CAMK1D: variants seen among roughly 807,000 people sequenced by gnomAD.
The protein encoded by CAMK1D is calcium/calmodulin-dependent protein kinase type 1D.
In CAMK1D, 9 loss-of-function variants were observed where a neutral mutation model predicts 47.7. The ratio of observed to expected loss-of-function variants is 0.19; its 90% confidence interval spans 0.11 to 0.33. CAMK1D has a LOEUF of 0.33. Ranked by LOEUF, CAMK1D falls within the 10% of genes least tolerant of loss-of-function variation. The pLI is 1.00. For missense variants in CAMK1D, 291 were observed against 488.7 expected (o/e 0.60, Z 3.81); for synonymous variants, 184 against 184.9 (o/e 0.99, Z 0.04).
At chr10:12,827,366 C>T (rs546482801) in intron 10 of CAMK1D, among the ~76,000 whole-genome samples, 1,698 of 43,520 alleles carry the variant, frequency 0.039, 37 homozygotes, top group African/African-American at 0.1. Context: ...TTCTTTCTTT[C>T]TCTTTCTTTC....
intron 3 of CAMK1D, among the ~76,000 whole-genome samples, chr10:12,675,656 T>C (rs1588771253): frequency 6.6e-6 from 1 of 152,324 alleles, no homozygotes; most frequent in Non-Finnish European, 1.5e-5. Flanking sequence ...CCTACCCCAC[T>C]GTGCTGTTCT....
At chr10:12,385,949 T>C (rs370088564) in intron 1 of CAMK1D, among the ~76,000 whole-genome samples, 115 of 152,280 alleles carry the variant, frequency 7.6e-4, no homozygotes, top group African/African-American at 2.5e-3. Flanking sequence ...TTTCAGCATG[T>C]TGGTCACGCT....
At chr10:12,734,832 G>C (rs893144921) in intron 3 of CAMK1D, among the ~76,000 whole-genome samples, 8 of 152,130 alleles carry the variant, frequency 5.3e-5, no homozygotes, top group Non-Finnish European at 1.2e-4. Flanking sequence ...CAGGCCTGCT[G>C]TTTGCAACAG....
chr10:12,645,967 G>GTT (rs1482993581), intron 2 of CAMK1D, among the ~76,000 whole-genome samples: 1 of 135,062 alleles, frequency 7.4e-6, no homozygotes, highest in Non-Finnish European at 1.6e-5. Context: ...TAAATGGCTA[G>GTT]TTGTTTTTTT....
chr10:12,691,401 ATAAATATATATATATATATATTT>A (rs1832910527), intron 3 of CAMK1D, among the ~76,000 whole-genome samples: 1 of 7,112 alleles, frequency 1.4e-4, no homozygotes, highest in Admixed American at 1.9e-3. Flanking sequence ...ATATATATAT[ATAAATATATATATATATATATTT>A]TTTTTTTTTT....
chr10:12,615,570 T>C (rs1300891929), intron 2 of CAMK1D, among the ~76,000 whole-genome samples: 1 of 19,328 alleles, frequency 5.2e-5, no homozygotes, highest in African/African-American at 8.3e-5. Context: ...GTATATCGTG[T>C]GTGTGCGTGT....
intron 2 of CAMK1D, among the ~76,000 whole-genome samples, chr10:12,553,631 C>T (rs1051384424): frequency 2.0e-5 from 3 of 152,266 alleles, no homozygotes; most frequent in Non-Finnish European, 4.4e-5. Context: ...TCACCATATC[C>T]GAGTGACCGT....
At chr10:12,671,192 CT>C (rs1308913703) in intron 3 of CAMK1D, among the ~76,000 whole-genome samples, 3 of 152,088 alleles carry the variant, frequency 2.0e-5, no homozygotes, top group African/African-American at 7.2e-5. Context: ...TTTTGTTTCT[CT>C]GTTTTTCAGT....
chr10:12,567,814 T>G (rs1465771855), intron 2 of CAMK1D, among the ~76,000 whole-genome samples: 1 of 152,004 alleles, frequency 6.6e-6, no homozygotes, highest in African/African-American at 2.4e-5. Context: ...TGGGCAGCCC[T>G]AAAGCACGGC....
intron 1 of CAMK1D, among the ~76,000 whole-genome samples, chr10:12,472,361 C>G (rs1207641623): frequency 6.6e-6 from 1 of 152,070 alleles, no homozygotes; most frequent in Non-Finnish European, 1.5e-5. Flanking sequence ...GAGCTTCTTT[C>G]CTTCCTGTGA....
At chr10:12,623,669 G>C (rs1389056358) in intron 2 of CAMK1D, among the ~76,000 whole-genome samples, 1 of 151,836 alleles carries the variant, frequency 6.6e-6, no homozygotes, top group Non-Finnish European at 1.5e-5. Flanking sequence ...GGCCTTTACC[G>C]GTAGCTTAGG....
At chr10:12,353,266 C>T (rs1837405144) in intron 1 of CAMK1D, among the ~76,000 whole-genome samples, 1 of 152,192 alleles carries the variant, frequency 6.6e-6, no homozygotes. Context: ...GTTCCAGTCA[C>T]TTTGTTTGCC....
At position 12,414,139 on chromosome 10, in the gene CAMK1D, A is replaced by T. The variant is rs187766738; in HGVS notation, c.92+64229A>T. 8.4e-4 allele frequency among the ~76,000 whole-genome samples: 128 copies of T among 152,318 alleles called. 2 individuals are homozygous for T. In the East Asian group the frequency reaches 0.014, roughly 17 times the overall value. On this transcript the variant is annotated intron_variant, in intron 1 of 10. Coordinates refer to ENST00000619168, the MANE Select transcript of CAMK1D (RefSeq NM_153498.4). ...AAATCTGAAAACCATAATATAATAA[A>T]TGTGTAGTTTAGTTCTTTAATTTGA...
chr10:12,617,734 C>T (rs975585791), intron 2 of CAMK1D, among the ~76,000 whole-genome samples: 6 of 152,084 alleles, frequency 3.9e-5, no homozygotes, highest in African/African-American at 1.4e-4. Context: ...GATTGCATGT[C>T]TCTGATTCAC....
chr10:12,784,196 GTATT>G (rs780829072), intron 5 of CAMK1D, among the ~76,000 whole-genome samples: 2 of 108,912 alleles, frequency 1.8e-5, no homozygotes, highest in Non-Finnish European at 1.9e-5. Context: ...TGGAGAAAAG[GTATT>G]TTTTTTTTTT....
chr10:12,559,453 A>T (rs571813494), intron 2 of CAMK1D, among the ~76,000 whole-genome samples: 1 of 152,142 alleles, frequency 6.6e-6, no homozygotes, highest in Non-Finnish European at 1.5e-5. Context: ...TGTCAGAACA[A>T]CCACTCTCCA....
chr10:12,443,423 A>G (rs1405325873), intron 1 of CAMK1D, among the ~76,000 whole-genome samples: 1 of 151,994 alleles, frequency 6.6e-6, no homozygotes, highest in Non-Finnish European at 1.5e-5. Context: ...CGAAGGCACG[A>G]ACCATGTGTT....
At chr10:12,573,831 C>CTTTTTTTTTTTTTTTTTTTTTTT (rs34038018) in intron 2 of CAMK1D, among the ~76,000 whole-genome samples, 1 of 64,076 alleles carries the variant, frequency 1.6e-5, no homozygotes, top group African/African-American at 5.4e-5. Context: ...ATTAAAAAAA[C>CTTTTTTTTTTTTTTTTTTTTTTT]TTTTTTTTTT....
intron 2 of CAMK1D, among the ~76,000 whole-genome samples, chr10:12,624,270 G>A (rs1158803357): frequency 1.3e-5 from 2 of 152,024 alleles, no homozygotes; most frequent in African/African-American, 4.8e-5. Flanking sequence ...ACCTGTAATA[G>A]ATCTACCCTA....
Sources: allele counts gnomAD v4.1 joint callset (sites outside exome capture counted in the v4.1 genomes callset), GRCh38; gene constraint gnomAD v4.1.1; transcripts MANE v1.5; gene names NCBI Gene and HGNC (gene_info 2026-07-23, HGNC 2026-07-21).